The following ITCH variants were observed in gnomAD, a reference collection of about 807,000 sequenced individuals.
ITCH encodes the protein itchy E3 ubiquitin protein ligase.
Under a neutral mutation model 126.8 loss-of-function variants are expected in ITCH, and 28 were observed. The observed-to-expected ratio is 0.22, with a 90% confidence interval of 0.16 to 0.30. ITCH has a LOEUF of 0.30. Among genes scored for constraint, ITCH ranks in the 10% least tolerant of loss-of-function variants. The probability of loss-of-function intolerance (pLI) is 1.00; values close to 1 mark genes in which losing one functional copy is unlikely to be tolerated. For synonymous variants in ITCH, 342 were observed against 340.0 expected, an observed-to-expected ratio of 1.01 and a Z score of -0.06; for missense variants, 631 against 1,032.4, an observed-to-expected ratio of 0.61 and a Z score of 5.33.
chr20:34,492,474 A>C, intron 22 of ITCH, 27 bp from the exon 23 acceptor site: 1 of 1,233,294 alleles, frequency 8.1e-7, no homozygotes. Context: ...TATGACATAT[A>C]TATCTCTTTA....
chr20:34,460,225 G>T (rs1029836457), intron 13 of ITCH, among the ~76,000 whole-genome samples: 9 of 151,968 alleles, frequency 5.9e-5, no homozygotes, highest in African/African-American at 2.2e-4. Flanking sequence ...GTCTCAGTCT[G>T]TCACCCAGGC....
At chr20:34,396,249 G>T (rs553427989) in intron 3 of ITCH, among the ~76,000 whole-genome samples, 58 of 151,958 alleles carry the variant, frequency 3.8e-4, no homozygotes. Context: ...GGCCAGGCTG[G>T]TCTCGAACTC....
At position 34,482,200 on chromosome 20, in the gene ITCH, A is replaced by G. The variant is rs1484624403; in HGVS notation, c.2093+994A>G. Among the ~76,000 whole-genome samples, 5 of 152,280 alleles carry G rather than the reference A, an allele frequency of 3.3e-5. No homozygotes were observed. In the South Asian group the frequency reaches 8.3e-4, roughly 25 times the overall value. On this transcript the variant is annotated intron_variant, in intron 20 of 24. Coordinates refer to ENST00000374864, the MANE Select transcript of ITCH (RefSeq NM_031483.7). Reference sequence around the variant, plus strand: ...TTGGGTGAGGACACAGAGCCAAACCATATCATTCTGCCCCTAGCCCCTCCC... The same window carrying G: ...TTGGGTGAGGACACAGAGCCAAACCGTATCATTCTGCCCCTAGCCCCTCCC...
At chr20:34,387,138 A>G (rs1486706548) in intron 2 of ITCH, among the ~76,000 whole-genome samples, 1 of 151,358 alleles carries the variant, frequency 6.6e-6, no homozygotes, top group Non-Finnish European at 1.5e-5. Flanking sequence ...CCCCATCTCT[A>G]CTAAAGATAC....
rs879924656 is a variant in ITCH at position 34,408,678 on chromosome 20, A to G, written c.98A>G (p.Lys33Arg). 1.9e-6 allele frequency: 3 copies of G among 1,613,688 alleles called. No homozygotes were observed. Among genetic ancestry groups the G allele is most frequent in the Non-Finnish European group, 1.7e-6 (2 of 1,179,706 alleles). ...TVISAKLKEN[K>R]KNWFGPSPYV... is the part of the protein sequence containing the mutation. Reference sequence around the variant, plus strand: ...ATCTCAGCAAAACTTAAGGAAAATAAGAAGAATTGGTTTGGACCAAGTCCT... The same window carrying G: ...ATCTCAGCAAAACTTAAGGAAAATAGGAAGAATTGGTTTGGACCAAGTCCT... Residue 33 changes from lysine (K) to arginine (R), a missense_variant, in exon 4 of 25, where the codon AAG (lysine) becomes AGG (arginine). This residue lies in a region of ITCH where 220 missense variants were observed against 265.7 expected (regional missense o/e 0.83). Transcript: ENST00000374864.
At chr20:34,426,733 A>C (rs963006166) in intron 7 of ITCH, among the ~76,000 whole-genome samples, 26 of 149,326 alleles carry the variant, frequency 1.7e-4, no homozygotes, top group Admixed American at 1.0e-3. Context: ...TTATAGGCAT[A>C]AGCTGCCATG....
At position 34,426,534 on chromosome 20, in the gene ITCH, C is replaced by T. The variant is rs1056144467; in HGVS notation, c.521+2009C>T. ...GATCTCAGCTCACTGCAACCTCCATCTCCCGGGTTCAAGCGATTCTCTTGC... is the reference window on the plus strand; with the variant it reads ...GATCTCAGCTCACTGCAACCTCCATTTCCCGGGTTCAAGCGATTCTCTTGC... On this transcript the variant is annotated intron_variant, in intron 7 of 24. Coordinates refer to ENST00000374864, the MANE Select transcript of ITCH (RefSeq NM_031483.7). Among the ~76,000 whole-genome samples the T allele has an allele frequency of 3.3e-5, 5 of 151,908 alleles. No homozygotes were observed. The East Asian group carries it at 9.7e-4, about 29-fold the overall frequency.
At chr20:34,385,575 T>C (rs1477272273) in intron 2 of ITCH, among the ~76,000 whole-genome samples, 2 of 152,154 alleles carry the variant, frequency 1.3e-5, no homozygotes, top group Admixed American at 1.3e-4. Flanking sequence ...GAAAGCTGTT[T>C]GTCAGAAAGG....
intron 23 of ITCH, among the ~76,000 whole-genome samples, chr20:34,503,057 TTTTAA>T (rs1271865516): frequency 6.6e-6 from 1 of 152,180 alleles, no homozygotes; most frequent in Non-Finnish European, 1.5e-5. Context: ...AGTGAGTTAA[TTTTAA>T]TTTATGTGTT....
intron 10 of ITCH, among the ~76,000 whole-genome samples, chr20:34,444,597 A>AT (rs1465105898): frequency 6.6e-6 from 1 of 152,110 alleles, no homozygotes; most frequent in Non-Finnish European, 1.5e-5. Context: ...CCAAAAAAAA[A>AT]AGATAGGAAG....
chr20:34,479,074 C>T (rs1171739512), intron 17 of ITCH, among the ~76,000 whole-genome samples: 1 of 152,122 alleles, frequency 6.6e-6, no homozygotes, highest in Non-Finnish European at 1.5e-5. Flanking sequence ...AGAGTCTCAG[C>T]ATTTTTCTAA....
chr20:34,363,942 C>T (rs886584334), intron 1 of ITCH, among the ~76,000 whole-genome samples: 3 of 152,214 alleles, frequency 2.0e-5, no homozygotes, highest in Non-Finnish European at 2.9e-5. Context: ...CGTCCGCCAC[C>T]GTCGTGGCGG....
At chr20:34,485,989 A>T (rs1989077788) in intron 20 of ITCH, among the ~76,000 whole-genome samples, 1 of 151,976 alleles carries the variant, frequency 6.6e-6, no homozygotes. Flanking sequence ...CCAACTAAGT[A>T]TTTCTTTAGC....
intron 16 of ITCH, chr20:34,476,343 G>C (rs1338079136): frequency 7.6e-7 from 1 of 1,311,796 alleles, no homozygotes; most frequent in African/African-American, 1.5e-5. Context: ...CCGCGCTCCG[G>C]CCCGGTCCCC....
intron 10 of ITCH, among the ~76,000 whole-genome samples, chr20:34,444,012 A>G (rs189908084): frequency 2.0e-5 from 3 of 152,254 alleles, no homozygotes; most frequent in South Asian, 4.1e-4. Context: ...ATAATTATGT[A>G]TTAATACATA....
intron 13 of ITCH, among the ~76,000 whole-genome samples, chr20:34,461,489 T>TC (rs1380307714): frequency 1.3e-5 from 2 of 151,868 alleles, no homozygotes; most frequent in African/African-American, 4.8e-5. Flanking sequence ...GGTGGGAGGA[T>TC]CACAAGGTCA....
intron 2 of ITCH, among the ~76,000 whole-genome samples, chr20:34,389,801 T>TA (rs1232821816): frequency 9.2e-5 from 14 of 152,176 alleles, no homozygotes; most frequent in Admixed American, 5.9e-4. Flanking sequence ...TTATCTATGT[T>TA]ACAGGCATTG....
chr20:34,502,244 A>G (rs893503854), intron 23 of ITCH, among the ~76,000 whole-genome samples: 1 of 152,030 alleles, frequency 6.6e-6, no homozygotes, highest in African/African-American at 2.4e-5. Context: ...GCTGCTAGGT[A>G]TGGTGGGCAC....
rs1471990601 is a variant in ITCH at position 34,477,825 on chromosome 20, A to G, written c.1623A>G (p.Pro541=). Reference sequence around the variant, plus strand: ...GAAGACGTTTGTGGGTGATTTTTCCAGGAGAAGAAGGTTTAGATTATGGAG... The same window carrying G: ...GAAGACGTTTGTGGGTGATTTTTCCGGGAGAAGAAGGTTTAGATTATGGAG... ...DLRRRLWVIF[P]GEEGLDYGGV... The change falls in exon 17 of 25, where the codon CCA becomes CCG. Residue 541 remains proline, a synonymous_variant. Coordinates refer to ENST00000374864, the MANE Select transcript of ITCH (RefSeq NM_031483.7). 1 of 1,613,608 alleles carries G rather than the reference A, an allele frequency of 6.2e-7. No homozygotes were observed. The highest frequency in any genetic ancestry group is 8.5e-7 in the Non-Finnish European group (1 of 1,179,572).
Sources: gnomAD v4.1 joint callset for allele counts (sites outside exome capture counted in the v4.1 genomes callset) on GRCh38, gnomAD v4.1.1 for gene constraint, gnomAD v4.1.1 regional missense constraint, MANE v1.5 for transcripts, NCBI Gene and HGNC (gene_info 2026-07-23, HGNC 2026-07-21) for gene names.